Variants in SRPK1 observed in about 807,000 individuals in gnomAD.
SRPK1 encodes the protein SFRS protein kinase 1.
A neutral mutation model predicts 89.5 loss-of-function variants in SRPK1; 52 were observed. The observed-to-expected ratio is 0.58, with a 90% CI of 0.46 to 0.73. The LOEUF is 0.73. SRPK1 is among the 30% of genes least tolerant of loss of function. SRPK1 has a pLI of 0.00. For missense variants in SRPK1, 603 were observed against 780.6 expected (o/e 0.77, Z 2.71); for synonymous variants, 255 against 270.2 (o/e 0.94, Z 0.55).
At chr6:35,894,045 C>G (rs1367015659) in intron 2 of SRPK1, among the ~76,000 whole-genome samples, 2 of 151,894 alleles carry the variant, frequency 1.3e-5, no homozygotes, top group Non-Finnish European at 2.9e-5. Context: ...AAAGAAAAAG[C>G]CTTGCTAGGG....
chr6:35,875,353 C>T (rs1770133502), intron 6 of SRPK1, among the ~76,000 whole-genome samples: 1 of 151,468 alleles, frequency 6.6e-6, no homozygotes, highest in Admixed American at 6.6e-5. Context: ...CCTCTCGGCA[C>T]TACAGGTGTG....
Position 35,835,210 on chromosome 6 carries a change from GA to G in SRPK1, c.*93del. ...AAACAAGATCTAGAAACTCTTGAAG[GA>G]AGAGCTTCACCCTGAAAAGGGAAGA... On this transcript the variant is annotated 3_prime_UTR_variant, in exon 16 of 16. Coordinates refer to ENST00000373825, the MANE Select transcript of SRPK1 (RefSeq NM_003137.5). 1 of 1,117,974 alleles carries G rather than the reference GA, an allele frequency of 8.9e-7. No individual in the cohort carries two copies. The highest frequency in any genetic ancestry group is 1.2e-6 in the Non-Finnish European group (1 of 803,146). 69.3% of individuals were successfully genotyped at this position (1,117,974 alleles called of 1,614,324 possible). A position where few individuals can be genotyped will look rare whatever the true frequency, so the allele number is the denominator to read the frequency against.
In SRPK1 at chr6:35,920,539, G is replaced by A. The variant is rs1444711641; in HGVS notation, c.14-11C>T. 5.0e-6 allele frequency: 8 copies of A among 1,612,608 alleles called. No homozygotes were observed. In the Admixed American group the frequency reaches 1.2e-4, roughly 24 times the overall value. ...CCTGGAGCGCAAGCACTGCAGGAGA[G>A]AGGGATGGATGAAGGGCGAATGTGG... On this transcript the variant is annotated splice_polypyrimidine_tract_variant and intron_variant, in intron 1 of 15. Transcript: ENST00000373825.
chr6:35,903,422 GA>G (rs1281726621), intron 2 of SRPK1, among the ~76,000 whole-genome samples: 3 of 151,628 alleles, frequency 2.0e-5, no homozygotes, highest in African/African-American at 7.3e-5. Flanking sequence ...TGAAGCACGA[GA>G]ATCACTTGAA....
At chr6:35,840,167 C>T (rs894074510) in intron 14 of SRPK1, among the ~76,000 whole-genome samples, 1 of 152,206 alleles carries the variant, frequency 6.6e-6, no homozygotes, top group African/African-American at 2.4e-5. Flanking sequence ...GTTACAGAAT[C>T]ATTAAGGTTT....
chr6:35,891,890 C>A (rs1289213591), intron 2 of SRPK1, among the ~76,000 whole-genome samples: 2 of 151,816 alleles, frequency 1.3e-5, no homozygotes, highest in Non-Finnish European at 2.9e-5. Flanking sequence ...GAATTATTTC[C>A]CTAAAATTAA....
At chr6:35,841,439 T>A (rs538686376) in intron 14 of SRPK1, among the ~76,000 whole-genome samples, 1 of 152,200 alleles carries the variant, frequency 6.6e-6, no homozygotes, top group African/African-American at 2.4e-5. Flanking sequence ...GCACAAAAAG[T>A]AAAGAACATG....
At position 35,870,449 on chromosome 6, in the gene SRPK1, G is replaced by T. The variant is rs1408476321; in HGVS notation, c.823C>A (p.Gln275Lys). Residue 275 changes from glutamine to lysine, a missense_variant, in exon 10 of 16, where the codon CAG (glutamine) becomes AAG (lysine). Transcript: ENST00000373825. ...TCTAGTAATTCTGCCTGGCGCTTCT[G>T]CTTCTTCTTCAATTTCTTCTTCTTA... ...KNKKKKLKKK[Q>K]KRQAELLEKR... 6.4e-7 allele frequency: 1 copy of T among 1,554,828 alleles called. No individual in the cohort carries two copies. The highest frequency in any genetic ancestry group is 8.7e-7 in the Non-Finnish European group (1 of 1,148,282).
chr6:35,837,798 T>A (rs1211262481), intron 15 of SRPK1, among the ~76,000 whole-genome samples: 1 of 151,272 alleles, frequency 6.6e-6, no homozygotes, highest in East Asian at 1.9e-4. Context: ...ACTCAAGTGA[T>A]CCTCCTGCCT....
At chr6:35,870,023 A>C (rs957941183) in intron 10 of SRPK1, 122 bp from the exon 11 acceptor site, 6 of 1,151,394 alleles carry the variant, frequency 5.2e-6, no homozygotes, top group Non-Finnish European at 7.2e-6. Context: ...AAACATGACT[A>C]AACATCTAAA....
chr6:35,843,789 GGGAGTCA>G (rs1471209000), intron 13 of SRPK1, among the ~76,000 whole-genome samples: 1 of 152,014 alleles, frequency 6.6e-6, no homozygotes, highest in Non-Finnish European at 1.5e-5. Flanking sequence ...TAAGTGTAAA[GGGAGTCA>G]GGAGCCTAGC....
intron 3 of SRPK1, among the ~76,000 whole-genome samples, 194 bp from the exon 4 acceptor site, chr6:35,889,117 TA>T: frequency 6.6e-6 from 1 of 152,072 alleles, no homozygotes; most frequent in East Asian, 1.9e-4. Context: ...TTCATGTTAT[TA>T]AAAAAAGTGA....
intron 2 of SRPK1, among the ~76,000 whole-genome samples, chr6:35,906,572 T>C (rs932053784): frequency 2.0e-5 from 3 of 152,180 alleles, no homozygotes; most frequent in African/African-American, 7.2e-5. Context: ...ACATATGTTA[T>C]GATTCCATTT....
chr6:35,887,078 A>G (rs574752659), intron 5 of SRPK1, among the ~76,000 whole-genome samples: 136 of 152,352 alleles, frequency 8.9e-4, no homozygotes, highest in African/African-American at 3.2e-3. Flanking sequence ...AAATTAACTG[A>G]TGATTACCAG....
intron 2 of SRPK1, among the ~76,000 whole-genome samples, chr6:35,910,860 A>T (rs1393614220): frequency 6.6e-6 from 1 of 152,252 alleles, no homozygotes; most frequent in Non-Finnish European, 1.5e-5. Context: ...TGTTTACTGC[A>T]TAGTTTACTG....
At position 35,857,342 on chromosome 6, in the gene SRPK1, T is replaced by C. The variant is rs373615654; in HGVS notation, c.1539A>G (p.Gln513=). The part of the protein sequence containing the change: ...WVHKHFTEDI[Q]TRQYRSLEVL... ...CTTCCAAGGAACGATATTGCCTTGT[T>C]TGAATATCTTCAGTGAAATGTTTGT... Residue 513 remains glutamine, a synonymous_variant, in exon 13 of 16, where the codon CAA becomes CAG. Transcript: ENST00000373825. The C allele has an allele frequency of 6.2e-6, 10 of 1,611,528 alleles. No individual in the cohort carries two copies. The African/African-American group carries it at 1.2e-4, about 19-fold the overall frequency.
chr6:35,877,286 C>T (rs548386411), intron 6 of SRPK1, among the ~76,000 whole-genome samples: 1 of 152,286 alleles, frequency 6.6e-6, no homozygotes, highest in African/African-American at 2.4e-5. Context: ...AAGGATAAAA[C>T]ACTTTCCAAG....
At chr6:35,838,906 C>A in intron 14 of SRPK1, 1 of 1,157,866 alleles carries the variant, frequency 8.6e-7, no homozygotes, top group South Asian at 1.4e-5. Context: ...ACAAATAAAA[C>A]CAAGGATACT....
intron 6 of SRPK1, among the ~76,000 whole-genome samples, chr6:35,878,117 C>T (rs1770195182): frequency 6.6e-6 from 1 of 152,170 alleles, no homozygotes; most frequent in Non-Finnish European, 1.5e-5. Context: ...AAAGTATGTG[C>T]TTTTTGCAAT....
Sources: allele counts gnomAD v4.1 joint callset (sites outside exome capture counted in the v4.1 genomes callset), GRCh38; gene constraint gnomAD v4.1.1; transcripts MANE v1.5; gene names NCBI Gene and HGNC (gene_info 2026-07-23, HGNC 2026-07-21).